PDE4B: variants seen among roughly 807,000 people sequenced by gnomAD.
The protein encoded by PDE4B is phosphodiesterase 4B.
A neutral mutation model predicts 82.2 loss-of-function variants in PDE4B; 20 were observed. The observed-to-expected ratio is 0.24, with a 90% CI of 0.17 to 0.35. The LOEUF (loss-of-function observed/expected upper bound fraction) is 0.35, where lower values mean the gene tolerates loss of function less well. PDE4B is among the 10% of genes least tolerant of loss of function. The probability of loss-of-function intolerance (pLI) is 1.00; values close to 1 mark genes in which losing one functional copy is unlikely to be tolerated. For missense variants in PDE4B, 655 were observed against 907.2 expected (o/e 0.72, Z 3.57); for synonymous variants, 320 against 318.9 (o/e 1.00, Z -0.04).
chr1:65,875,083 T>A (rs1053477371), intron 1 of PDE4B, among the ~76,000 whole-genome samples: 17 of 151,330 alleles, frequency 1.1e-4, no homozygotes, highest in Non-Finnish European at 2.1e-4. Context: ...GAATCTACAA[T>A]GAACTCAAAC....
At chr1:66,208,556 CT>C in intron 3 of PDE4B, among the ~76,000 whole-genome samples, 1 of 152,276 alleles carries the variant, frequency 6.6e-6, no homozygotes, top group Non-Finnish European at 1.5e-5. Flanking sequence ...ATTCCCATTT[CT>C]TTCTTAGTTA....
chr1:66,226,761 A>T (rs1198439067), intron 3 of PDE4B, among the ~76,000 whole-genome samples: 1 of 152,288 alleles, frequency 6.6e-6, no homozygotes, highest in Non-Finnish European at 1.5e-5. Flanking sequence ...TGTGATGGAC[A>T]GCTATGGAAG....
chr1:65,986,424 A>T (rs563094870), intron 3 of PDE4B, among the ~76,000 whole-genome samples: 1 of 152,218 alleles, frequency 6.6e-6, no homozygotes, highest in Non-Finnish European at 1.5e-5. Context: ...AATGGATGAG[A>T]CATGACATGC....
intron 3 of PDE4B, among the ~76,000 whole-genome samples, chr1:66,078,949 C>A (rs1266570590): frequency 1.3e-5 from 2 of 152,080 alleles, no homozygotes; most frequent in Non-Finnish European, 2.9e-5. Context: ...CTAACCCCCA[C>A]AATCCACTCA....
intron 4 of PDE4B, among the ~76,000 whole-genome samples, chr1:66,248,356 C>T (rs1373540100): frequency 2.0e-5 from 3 of 152,162 alleles, no homozygotes; most frequent in Non-Finnish European, 4.4e-5. Context: ...TTTCTGGGCA[C>T]AGATACAATT....
intron 3 of PDE4B, among the ~76,000 whole-genome samples, chr1:66,023,057 G>C (rs1570007226): frequency 6.6e-6 from 1 of 151,970 alleles, no homozygotes; most frequent in African/African-American, 2.4e-5. Context: ...TGATTGTGTG[G>C]GGATTGTAAA....
chr1:66,222,184 G>A (rs1166403102), intron 3 of PDE4B, among the ~76,000 whole-genome samples: 1 of 152,166 alleles, frequency 6.6e-6, no homozygotes, highest in Non-Finnish European at 1.5e-5. Flanking sequence ...AGGAGTAAAA[G>A]CAGAAAGGCA....
At chr1:65,876,821 A>G (rs1452518429) in intron 1 of PDE4B, among the ~76,000 whole-genome samples, 2 of 152,174 alleles carry the variant, frequency 1.3e-5, no homozygotes. Context: ...AAAATAAAAT[A>G]TCTAGAAATA....
rs1404699207 is a variant in PDE4B at position 65,798,344 on chromosome 1, C to T, written c.-71+5096C>T. Among the ~76,000 whole-genome samples the T allele has an allele frequency of 3.7e-5, 3 of 81,138 alleles. 1 individual carries two copies. The highest frequency in any genetic ancestry group is 6.1e-5 in the Non-Finnish European group (3 of 48,784). The allele number at this position is 81,138 out of a possible 152,430, so 53.2% of individuals were successfully genotyped here. ...CGCAATCTCGGCTCACTGCAAGCTC[C>T]GCTTCCCGGGTTCACGCCATTCTCC... On this transcript the variant is annotated intron_variant, in intron 1 of 16. Coordinates refer to ENST00000341517, the MANE Select transcript of PDE4B (RefSeq NM_002600.4).
At chr1:65,795,169 AAAT>A (rs1408364025) in intron 1 of PDE4B, among the ~76,000 whole-genome samples, 1 of 152,254 alleles carries the variant, frequency 6.6e-6, no homozygotes, top group African/African-American at 2.4e-5. Flanking sequence ...CTGGACACAG[AAAT>A]AATAATTCCA....
At chr1:66,121,189 C>G (rs574857692) in intron 3 of PDE4B, among the ~76,000 whole-genome samples, 2 of 151,774 alleles carry the variant, frequency 1.3e-5, no homozygotes, top group South Asian at 2.1e-4. Context: ...GTGAAAAGTG[C>G]GAAGACAAAT....
At chr1:66,136,717 A>AT (rs1646064402) in intron 3 of PDE4B, among the ~76,000 whole-genome samples, 1 of 151,520 alleles carries the variant, frequency 6.6e-6, no homozygotes, top group South Asian at 2.1e-4. Context: ...AAAAAAAAAA[A>AT]AAAAGAATGT....
chr1:66,038,059 C>T (rs1305895984), intron 3 of PDE4B, among the ~76,000 whole-genome samples: 1 of 151,760 alleles, frequency 6.6e-6, no homozygotes, highest in Non-Finnish European at 1.5e-5. Context: ...GTCATAAGTA[C>T]AGGATAGGAG....
In PDE4B at chr1:66,128,982, T is replaced by C. The variant is rs369210981; in HGVS notation, c.282-118478T>C. Among the ~76,000 whole-genome samples the C allele has an allele frequency of 4.3e-4, 65 of 152,312 alleles. No homozygotes were observed. The South Asian group carries it at 9.1e-3, about 21-fold the overall frequency. ...GAGCTACAATCAAGATGAGATTTGG[T>C]TGGGGACACAGCCGAACCATATCAG... On this transcript the variant is annotated intron_variant, in intron 3 of 16. Coordinates refer to ENST00000341517, the MANE Select transcript of PDE4B (RefSeq NM_002600.4).
At chr1:65,954,664 T>A (rs1406155805) in intron 3 of PDE4B, among the ~76,000 whole-genome samples, 1 of 152,064 alleles carries the variant, frequency 6.6e-6, no homozygotes, top group Non-Finnish European at 1.5e-5. Context: ...TTTTCAATGG[T>A]GAAATATTAG....
rs1321175 is a variant in PDE4B at position 66,257,958 on chromosome 1, T to C, written c.584+95T>C. The C allele has an allele frequency of 0.029, 23,634 of 827,030 alleles. 3,335 individuals are homozygous for C. The African/African-American group carries it at 0.33, about 12-fold the overall frequency. The allele number at this position is 827,030 out of a possible 1,614,324, so 51.2% of individuals were successfully genotyped here. A position where few individuals can be genotyped will look rare whatever the true frequency, so the allele number is the denominator to read the frequency against. The stretch of plus-strand genomic sequence containing the variant: ...AAAAATACAACTATTACATGGAAAA[T>C]TGTCCTCTAAGCTAAGTTAATATAC... On this transcript the variant is annotated intron_variant, in intron 6 of 16. Transcript: ENST00000341517.
At chr1:65,981,708 AG>A (rs1650698974) in intron 3 of PDE4B, among the ~76,000 whole-genome samples, 1 of 152,084 alleles carries the variant, frequency 6.6e-6, no homozygotes, top group African/African-American at 2.4e-5. Flanking sequence ...TACAGTTCAA[AG>A]GGGGTATTAT....
At chr1:65,814,809 G>A (rs542546135) in intron 1 of PDE4B, among the ~76,000 whole-genome samples, 3 of 151,928 alleles carry the variant, frequency 2.0e-5, no homozygotes, top group African/African-American at 7.2e-5. Context: ...TGTCATTTAG[G>A]TTGTTCCCAG....
intron 8 of PDE4B, chr1:66,355,133 TTC>T: frequency 2.4e-6 from 1 of 424,062 alleles, no homozygotes; most frequent in Non-Finnish European, 4.1e-6. Flanking sequence ...TTCTTTTTTT[TTC>T]TTTTTCCCTT....
Sources: allele counts gnomAD v4.1 joint callset (sites outside exome capture counted in the v4.1 genomes callset), GRCh38; gene constraint gnomAD v4.1.1; transcripts MANE v1.5; gene names NCBI Gene and HGNC (gene_info 2026-07-23, HGNC 2026-07-21).